SLC12A7: variants seen among roughly 807,000 people sequenced by gnomAD.
SLC12A7 encodes the protein K-Cl cotransporter 4.
Under a neutral mutation model 120.6 loss-of-function variants are expected in SLC12A7, and 100 were observed. The observed-to-expected ratio is 0.83, with a 90% CI of 0.71 to 0.98. The LOEUF (loss-of-function observed/expected upper bound fraction) is 0.98, where lower values mean the gene tolerates loss of function less well. SLC12A7 is among the 50% of genes least tolerant of loss of function. The probability of loss-of-function intolerance (pLI) is 0.00; values close to 1 mark genes in which losing one functional copy is unlikely to be tolerated. For missense variants in SLC12A7, 1,373 were observed against 1,548.1 expected (o/e 0.89, Z 1.90); for synonymous variants, 760 against 678.0 (o/e 1.12, Z -1.88).
At chr5:1,062,002 C>T (rs1736346105) in intron 20 of SLC12A7, among the ~76,000 whole-genome samples, 1 of 152,194 alleles carries the variant, frequency 6.6e-6, no homozygotes, top group Admixed American at 6.5e-5. Context: ...CCTCTCCAGC[C>T]AGGTGGCACT....
the SLC12A7 span, among the ~76,000 whole-genome samples, chr5:1,154,892 C>G: frequency 6.6e-6 from 1 of 152,214 alleles, no homozygotes; most frequent in East Asian, 1.9e-4. Context: ...TCGGGGCACC[C>G]AGGTCCCACG....
At chr5:1,073,415 A>G (rs1737925956) in intron 17 of SLC12A7, among the ~76,000 whole-genome samples, 2 of 152,338 alleles carry the variant, frequency 1.3e-5, no homozygotes, top group South Asian at 2.1e-4. Flanking sequence ...GCCCTTGGAA[A>G]GCTAATGGCC....
At chr5:1,073,555 A>T in intron 17 of SLC12A7, 78 bp downstream of exon 17, 12 of 1,461,758 alleles carry the variant, frequency 8.2e-6, no homozygotes, top group Non-Finnish European at 1.0e-5. Context: ...ACACGCTGCG[A>T]TGAGGACATG....
chr5:1,078,607 G>A, intron 11 of SLC12A7, 94 bp downstream of exon 11: 8 of 1,038,702 alleles, frequency 7.7e-6, no homozygotes, highest in East Asian at 2.5e-5. Context: ...CGGACATGAA[G>A]TCCTAGGGCG....
At chr5:1,095,362 G>A (rs1741022267) in intron 1 of SLC12A7, among the ~76,000 whole-genome samples, 3 of 152,214 alleles carry the variant, frequency 2.0e-5, no homozygotes, top group Admixed American at 6.5e-5. Context: ...GCAGCCCATG[G>A]TCAGAACAGG....
At chr5:1,075,542 A>C (rs1274479578) in intron 14 of SLC12A7, 52 bp from the exon 15 acceptor site, 1 of 1,572,856 alleles carries the variant, frequency 6.4e-7, no homozygotes. Context: ...CAGCCCCCAC[A>C]CCTCAGCCAC....
chr5:1,077,781 A>G lies in SLC12A7; in HGVS notation c.1629+52T>C. 4 of 1,486,252 alleles carry G rather than the reference A, an allele frequency of 2.7e-6. No homozygotes were observed. The East Asian group carries it at 7.5e-5, about 28-fold the overall frequency. The allele number at this position is 1,486,252 out of a possible 1,614,324, so 92.1% of individuals were successfully genotyped here. On this transcript the variant is annotated intron_variant, in intron 12 of 23. Coordinates refer to ENST00000264930, the MANE Select transcript of SLC12A7 (RefSeq NM_006598.3). ...CTGTGAGGATCCCGCAGGGGAGGAG[A>G]GCCCCCGACCCTGACCTTCCAGGGT...
chr5:1,057,028 A>G (rs1735693794), intron 22 of SLC12A7, among the ~76,000 whole-genome samples: 1 of 152,202 alleles, frequency 6.6e-6, no homozygotes, highest in South Asian at 2.1e-4. Flanking sequence ...GGCTTGCCTG[A>G]GTAAAGCAGG....
intron 1 of SLC12A7, among the ~76,000 whole-genome samples, chr5:1,100,831 A>G (rs1203711655): frequency 6.6e-6 from 1 of 152,230 alleles, no homozygotes. Context: ...CACAGCCAAG[A>G]GGAGCCCGAG....
Position 1,057,608 on chromosome 5 carries a change from C to T in SLC12A7, c.2889G>A (p.Ala963=), listed in dbSNP as rs762187116. The change falls in exon 22 of 24, where the codon GCG becomes GCA. Residue 963 remains alanine (A), a synonymous_variant. Coordinates refer to ENST00000264930, the MANE Select transcript of SLC12A7 (RefSeq NM_006598.3). ...GCGGCGCTTGGGTCCTGGCTGCCGC[C>T]GCGGTGTGGGACGCGGTGTTCCTGT... ...IHDRNTASHT[A]AAARTQAPPT... The T allele has an allele frequency of 2.2e-5, 35 of 1,607,364 alleles. No homozygotes were observed. The highest frequency in any genetic ancestry group is 5.5e-5 in the South Asian group (5 of 91,044).
chr5:1,052,597 TAG>T, intron 23 of SLC12A7, 146 bp from the exon 24 acceptor site: 1 of 667,036 alleles, frequency 1.5e-6, no homozygotes, highest in East Asian at 2.7e-5. Flanking sequence ...AGGTGGGGAT[TAG>T]AGAGACCCCC....
In SLC12A7 at chr5:1,050,809, C is replaced by T; in HGVS notation, c.*1551G>A. On this transcript the variant is annotated 3_prime_UTR_variant, in exon 24 of 24. Transcript: ENST00000264930. The stretch of plus-strand genomic sequence containing the variant: ...CTGAGCCCCGCTGTGATGTCTGGGA[C>T]ACGCTCTGGGCAGCAGCCGTCACTC... The T allele has an allele frequency of 2.5e-6, 1 of 398,614 alleles. No homozygotes were observed. 24.7% of individuals were successfully genotyped at this position (398,614 alleles called of 1,614,324 possible).
Position 1,069,982 on chromosome 5 carries a change from A to T in SLC12A7, c.2241+3651T>A, listed in dbSNP as rs191204364. ...CAGAAATTCAGCAGCACACGGCATC[A>T]CACTTAACGCAGCCCCCAGTGAGCC... On this transcript the variant is annotated intron_variant, in intron 17 of 23. Coordinates refer to ENST00000264930, the MANE Select transcript of SLC12A7 (RefSeq NM_006598.3). Among the ~76,000 whole-genome samples the T allele has an allele frequency of 3.0e-3, 441 of 145,732 alleles. 13 individuals carry two copies. Among genetic ancestry groups the T allele is most frequent in the African/African-American group, 0.011 (408 of 36,034 alleles).
intron 17 of SLC12A7, among the ~76,000 whole-genome samples, chr5:1,072,503 GC>G (rs1386919005): frequency 2.1e-4 from 1 of 4,686 alleles, no homozygotes; most frequent in Non-Finnish European, 3.6e-4. Context: ...CACTTATGCA[GC>G]CCCCAGTGAG....
intron 7 of SLC12A7, 47 bp from the exon 8 acceptor site, chr5:1,084,003 C>T: frequency 1.3e-6 from 2 of 1,543,576 alleles, no homozygotes; most frequent in African/African-American, 1.4e-5. Context: ...ACCGAAGTGG[C>T]TTTTACTGCC....
chr5:1,111,482 C>T (rs1159766278), intron 1 of SLC12A7, among the ~76,000 whole-genome samples: 1 of 152,066 alleles, frequency 6.6e-6, no homozygotes, highest in Non-Finnish European at 1.5e-5. Context: ...GCGCGGGGGA[C>T]GCAGGACGCC....
chr5:1,137,866 G>A, the SLC12A7 span, among the ~76,000 whole-genome samples: 4 of 152,234 alleles, frequency 2.6e-5, no homozygotes. Flanking sequence ...GGCGCACTGT[G>A]AGGAGAATCA....
At chr5:1,105,685 G>A (rs1258437908) in intron 1 of SLC12A7, among the ~76,000 whole-genome samples, 2 of 152,040 alleles carry the variant, frequency 1.3e-5, no homozygotes. Flanking sequence ...TAAAGGAAAG[G>A]TATTAACCCT....
upstream of SLC12A7, among the ~76,000 whole-genome samples, chr5:1,116,249 C>T (rs899698671): frequency 6.6e-6 from 1 of 152,222 alleles, no homozygotes; most frequent in Non-Finnish European, 1.5e-5. Flanking sequence ...CAGGCTCTTC[C>T]CAGGCAGGCA....
Sources: gnomAD v4.1 joint callset for allele counts (sites outside exome capture counted in the v4.1 genomes callset) on GRCh38, gnomAD v4.1.1 for gene constraint, MANE v1.5 for transcripts, NCBI Gene and HGNC (gene_info 2026-07-23, HGNC 2026-07-21) for gene names.